METAP2: variants seen among roughly 807,000 people sequenced by gnomAD.
METAP2 encodes the protein methionine aminopeptidase 2.
In METAP2, 25 loss-of-function variants were observed where a neutral mutation model predicts 59.4. That is an observed-to-expected ratio of 0.42 (90% CI 0.31 to 0.59). The LOEUF (loss-of-function observed/expected upper bound fraction) is 0.59. Among genes scored for constraint, METAP2 ranks in the 20% least tolerant of loss-of-function variants. The pLI, the probability that METAP2 is intolerant of heterozygous loss-of-function variation, is 0.16. For synonymous variants in METAP2, 214 were observed against 194.1 expected, an observed-to-expected ratio of 1.10 and a Z score of -0.85; for missense variants, 366 against 581.2, an observed-to-expected ratio of 0.63 and a Z score of 3.81.
chr12:95,502,016 A>C (rs1594431397), intron 7 of METAP2, among the ~76,000 whole-genome samples: 2 of 143,076 alleles, frequency 1.4e-5, no homozygotes, highest in Non-Finnish European at 3.1e-5. Context: ...TTTTTTTTCC[A>C]AATTGAAACA....
chr12:95,510,941 GT>G (rs1385147895), intron 8 of METAP2, among the ~76,000 whole-genome samples: 2 of 152,000 alleles, frequency 1.3e-5, no homozygotes, highest in African/African-American at 4.8e-5. Flanking sequence ...CATTTTGTCA[GT>G]TTTAAAACAA....
intron 1 of METAP2, 29 bp downstream of exon 1, chr12:95,474,359 C>T (rs1048608532): frequency 6.2e-6 from 10 of 1,610,270 alleles, no homozygotes; most frequent in Non-Finnish European, 8.5e-6. Context: ...TTTCCCAGTC[C>T]CCTCCGGGAA....
chr12:95,478,600 T>G (rs2076137577), intron 2 of METAP2, among the ~76,000 whole-genome samples: 1 of 151,708 alleles, frequency 6.6e-6, no homozygotes, highest in Admixed American at 6.6e-5. Flanking sequence ...CCATTGCACT[T>G]TAGCCTGGGC....
At chr12:95,475,729 T>G (rs1025463278) in intron 1 of METAP2, among the ~76,000 whole-genome samples, 3 of 152,350 alleles carry the variant, frequency 2.0e-5, no homozygotes, top group East Asian at 3.9e-4. Context: ...TCCTAAGGCC[T>G]TCAGCATTTA....
intron 4 of METAP2, among the ~76,000 whole-genome samples, chr12:95,486,539 C>CTAG (rs1334384898): frequency 2.0e-5 from 3 of 151,636 alleles, no homozygotes; most frequent in Non-Finnish European, 2.9e-5. Flanking sequence ...CTCTTGTTGC[C>CTAG]TAGGCTGGAG....
intron 7 of METAP2, among the ~76,000 whole-genome samples, chr12:95,501,007 ATTTTTTT>A (rs540202398): frequency 2.7e-4 from 28 of 103,564 alleles, no homozygotes; most frequent in Admixed American, 1.8e-3. Flanking sequence ...CTTTGTTGGG[ATTTTTTT>A]TTTTTTTTTT....
In METAP2 at chr12:95,504,173, T is replaced by A; in HGVS notation, c.964+12T>A. ...GAAGACATATCAAGGTATGTTCTTT[T>A]AAAATATATCTTATTTTGAAATTGA... is the stretch of plus-strand genomic sequence containing the variant. On this transcript the variant is annotated intron_variant, in intron 8 of 10. Transcript: ENST00000323666. 3 of 1,498,802 alleles carry A rather than the reference T, an allele frequency of 2.0e-6. No individual in the cohort carries two copies. Among genetic ancestry groups the A allele is most frequent in the Non-Finnish European group, 2.8e-6 (3 of 1,082,156 alleles). 92.8% of individuals were successfully genotyped at this position (1,498,802 alleles called of 1,614,324 possible).
chr12:95,495,454 C>A (rs928176813), intron 6 of METAP2, among the ~76,000 whole-genome samples: 25 of 149,864 alleles, frequency 1.7e-4, no homozygotes, highest in Admixed American at 6.6e-4. Context: ...TGTTTCATAT[C>A]TCTTTTATTC....
intron 6 of METAP2, 90 bp downstream of exon 6, chr12:95,495,228 C>A: frequency 5.4e-6 from 6 of 1,120,614 alleles, no homozygotes; most frequent in East Asian, 2.5e-5. Flanking sequence ...ACTGAACTCC[C>A]AAATTTTGTT....
intron 7 of METAP2, among the ~76,000 whole-genome samples, chr12:95,501,952 C>T (rs11522875): frequency 2.7e-5 from 4 of 149,554 alleles, no homozygotes; most frequent in Admixed American, 6.7e-5. Flanking sequence ...CATCAGCTTT[C>T]GTCTGGGAAT....
At chr12:95,475,691 G>GC (rs1379194382) in intron 1 of METAP2, among the ~76,000 whole-genome samples, 1 of 152,112 alleles carries the variant, frequency 6.6e-6, no homozygotes, top group East Asian at 1.9e-4. Flanking sequence ...AAACCAGGCT[G>GC]CCCCGGGGTG....
intron 2 of METAP2, among the ~76,000 whole-genome samples, chr12:95,478,997 A>G (rs953106192): frequency 3.3e-5 from 5 of 152,276 alleles, no homozygotes; most frequent in African/African-American, 9.6e-5. Context: ...CTTTGAGTCC[A>G]GGGGGCTTCA....
intron 8 of METAP2, among the ~76,000 whole-genome samples, chr12:95,504,381 C>G (rs1193670305): frequency 6.6e-6 from 1 of 152,182 alleles, no homozygotes; most frequent in Non-Finnish European, 1.5e-5. Flanking sequence ...AGGAAATATC[C>G]TAGGGCAGCC....
At position 95,502,169 on chromosome 12, in the gene METAP2, A is replaced by AT. The variant is rs567330418; in HGVS notation, c.868-1891dup. Among the ~76,000 whole-genome samples the AT allele has an allele frequency of 1.5e-3, 224 of 151,946 alleles. 4 individuals carry two copies. Among genetic ancestry groups the AT allele is most frequent in the Middle Eastern group, 3.4e-3 (1 of 294 alleles). On this transcript the variant is annotated intron_variant, in intron 7 of 10. Transcript: ENST00000323666. ...AGGCGTGTGCCACAATACCTTGCTA[A>AT]TTTTTAAAACTTTTTTGTAGAGATG...
intron 3 of METAP2, 193 bp downstream of exon 3, chr12:95,483,473 CT>C (rs2076174104): frequency 1.7e-4 from 17 of 102,940 alleles, no homozygotes; most frequent in Admixed American, 2.7e-4. Context: ...GAGACTCTGT[CT>C]CAAAAAAAAA....
intron 2 of METAP2, 81 bp downstream of exon 2, chr12:95,476,259 C>CA: frequency 1.2e-6 from 1 of 869,320 alleles, no homozygotes; most frequent in Non-Finnish European, 1.8e-6. Context: ...GTAATCCCAG[C>CA]ACTTTGGGAG....
intron 10 of METAP2, among the ~76,000 whole-genome samples, chr12:95,513,393 AACAC>A (rs144087570): frequency 6.6e-6 from 1 of 151,864 alleles, no homozygotes; most frequent in Non-Finnish European, 1.5e-5. Context: ...TGGGGAATAT[AACAC>A]ACACACACGC....
Position 95,513,791 on chromosome 12 carries a change from G to T in METAP2, c.1324G>T (p.Asp442Tyr). Residue 442 changes from aspartate (D) to tyrosine (Y), a missense_variant, in exon 11 of 11, where the codon GAT (aspartate) becomes TAT (tyrosine). Asp to Tyr is a radical substitution (Grantham distance 160). This residue lies in a region of METAP2 where 82 missense variants were observed against 156.2 expected (regional missense o/e 0.52). Transcript: ENST00000323666. ...LKNLCDLGIV[D>Y]PYPPLCDIKG... is the part of the protein sequence containing the mutation. ...GAATCTGTGTGACTTGGGCATTGTA[G>T]ATCCATATCCACCATTATGTGACAT... 1 of 1,614,208 alleles carries T rather than the reference G, an allele frequency of 6.2e-7. No homozygotes were observed. The highest frequency in any genetic ancestry group is 8.5e-7 in the Non-Finnish European group (1 of 1,180,044).
intron 2 of METAP2, among the ~76,000 whole-genome samples, chr12:95,477,604 T>C (rs1031467573): frequency 7.6e-4 from 115 of 152,306 alleles, no homozygotes; most frequent in African/African-American, 2.7e-3. Flanking sequence ...TTTTCCAGCC[T>C]CTTTTGGCGG....
Sources: allele counts gnomAD v4.1 joint callset (sites outside exome capture counted in the v4.1 genomes callset), GRCh38; gene constraint gnomAD v4.1.1; regional missense constraint gnomAD v4.1.1; transcripts MANE v1.5; gene names NCBI Gene and HGNC (gene_info 2026-07-23, HGNC 2026-07-21).